The following ARHGAP39 variants were observed in gnomAD, a reference collection of about 807,000 sequenced individuals.
ARHGAP39 encodes the protein rho GTPase-activating protein 39.
ARHGAP39 carries 44 observed loss-of-function variants against 106.9 expected under a neutral mutation model. The observed-to-expected ratio is 0.41, with a 90% CI of 0.32 to 0.53. ARHGAP39 has a LOEUF of 0.53. Ranked by LOEUF, ARHGAP39 falls within the 20% of genes least tolerant of loss-of-function variation. The probability of loss-of-function intolerance (pLI) is 0.21; values close to 1 mark genes in which losing one functional copy is unlikely to be tolerated. For synonymous variants in ARHGAP39, 768 were observed against 693.2 expected, an observed-to-expected ratio of 1.11 and a Z score of -1.69; for missense variants, 1,496 against 1,577.3, an observed-to-expected ratio of 0.95 and a Z score of 0.87.
At chr8:144,658,103 ATTTC>A (rs1300155467) in intron 1 of ARHGAP39, among the ~76,000 whole-genome samples, 1 of 151,938 alleles carries the variant, frequency 6.6e-6, no homozygotes, top group Non-Finnish European at 1.5e-5. Flanking sequence ...ATCCTACAGC[ATTTC>A]TTTCTTTCTT....
chr8:144,576,493 G>A (rs1420788313), intron 3 of ARHGAP39, among the ~76,000 whole-genome samples: 2 of 152,156 alleles, frequency 1.3e-5, no homozygotes, highest in Non-Finnish European at 2.9e-5. Context: ...CTGAGCCATG[G>A]GTGACAGGGC....
chr8:144,535,773 G>A (rs1816929536), intron 7 of ARHGAP39, among the ~76,000 whole-genome samples: 1 of 152,024 alleles, frequency 6.6e-6, no homozygotes, highest in African/African-American at 2.4e-5. Context: ...GGGATACACT[G>A]GGGCCACCGC....
chr8:144,570,603 T>C (rs1448684304), intron 3 of ARHGAP39, among the ~76,000 whole-genome samples: 2 of 152,084 alleles, frequency 1.3e-5, no homozygotes, highest in Non-Finnish European at 2.9e-5. Context: ...ATATAAGAAG[T>C]GGAAATTGAC....
In ARHGAP39 at chr8:144,641,093, C is replaced by T. The variant is rs2130988053; in HGVS notation, c.-81-35398G>A. 6.6e-6 allele frequency among the ~76,000 whole-genome samples: 1 copy of T among 152,226 alleles called. No homozygotes were observed. The highest frequency in any genetic ancestry group is 1.5e-5 in the Non-Finnish European group (1 of 68,018). On this transcript the variant is annotated intron_variant, in intron 1 of 11. Coordinates refer to ENST00000377307, the MANE Select transcript of ARHGAP39 (RefSeq NM_025251.3). This position sits in a 1 kb window ranked among gnomAD's most constrained non-coding sequence, Gnocchi z 5.2. ...CATCTGCCTGGGCCCATCCCAGCAC[C>T]AGTTCTTGCAGAGGTGTTCCAGGAG...
chr8:144,545,188 A>G (rs1817356734), intron 6 of ARHGAP39, 61 bp downstream of exon 6: 7 of 1,399,830 alleles, frequency 5.0e-6, no homozygotes, highest in Non-Finnish European at 5.6e-6. Context: ...CGCCCAGCAC[A>G]GCAGGAGCCC....
intron 1 of ARHGAP39, among the ~76,000 whole-genome samples, chr8:144,664,367 G>A (rs1821907649): frequency 6.6e-6 from 1 of 152,136 alleles, no homozygotes; most frequent in South Asian, 2.1e-4. Context: ...CCAGCTTTGG[G>A]TGATGGCCAC....
chr8:144,546,459 G>A (rs1174765482), intron 5 of ARHGAP39, among the ~76,000 whole-genome samples: 1 of 152,212 alleles, frequency 6.6e-6, no homozygotes, highest in Non-Finnish European at 1.5e-5. Context: ...CCCACCCAAG[G>A]AAGCTCCCTG....
At chr8:144,574,181 A>AGACAAG (rs112840672) in intron 3 of ARHGAP39, among the ~76,000 whole-genome samples, 4 of 148,016 alleles carry the variant, frequency 2.7e-5, no homozygotes, top group African/African-American at 7.7e-5. Context: ...AAGAAGATGA[A>AGACAAG]GATGAGGAGG....
In ARHGAP39 at chr8:144,530,152, T is replaced by C; in HGVS notation, c.*270A>G. ...GACACAGAAGGCACTTTCTCGGAGC[T>C]GACCCGCGGCCAGCGGAGGGCGAGG... On this transcript the variant is annotated 3_prime_UTR_variant, in exon 12 of 12. Transcript: ENST00000377307. 2.0e-6 allele frequency: 1 copy of C among 506,134 alleles called. No homozygotes were observed. The highest frequency in any genetic ancestry group is 3.5e-6 in the Non-Finnish European group (1 of 285,388). The allele number at this position is 506,134 out of a possible 1,614,324, so 31.4% of individuals were successfully genotyped here.
In ARHGAP39 at chr8:144,548,380, C is replaced by T. The variant is rs139206529; in HGVS notation, c.706G>A (p.Gly236Ser). ...CTGCGGGAGCGGACCCCAGGTGGGC[C>T]GTCTGGGGCGTAGCCATTGCCCTGG... is the stretch of plus-strand genomic sequence containing the variant. ...AAQGNGYAPD[G>S]PPGVRSRRPS... is the part of the protein sequence containing the mutation. Residue 236 changes from glycine (G) to serine (S), a missense_variant, in exon 5 of 12, where the codon GGC becomes AGC. Transcript: ENST00000377307. The surrounding 1 kb of genome is among the most constrained non-coding windows in gnomAD (Gnocchi z 7.4). 1.5e-4 allele frequency: 244 copies of T among 1,609,276 alleles called. No individual in the cohort carries two copies. Among genetic ancestry groups the T allele is most frequent in the Non-Finnish European group, 2.0e-4 (234 of 1,178,418 alleles).
In ARHGAP39 at chr8:144,586,989, C is replaced by T. The variant is rs1819205338; in HGVS notation, c.81-5712G>A. ...AACTGAATCATGGGGGTGGCCTCCC[C>T]CATCCTGTTCTCGTGATAGTGAGTT... On this transcript the variant is annotated intron_variant, in intron 2 of 11. Coordinates refer to ENST00000377307, the MANE Select transcript of ARHGAP39 (RefSeq NM_025251.3). This position sits in a 1 kb window ranked among gnomAD's most constrained non-coding sequence, Gnocchi z 4.2. Among the ~76,000 whole-genome samples the T allele has an allele frequency of 6.6e-6, 1 of 152,162 alleles. No individual in the cohort carries two copies. Among genetic ancestry groups the T allele is most frequent in the Admixed American group, 6.5e-5 (1 of 15,274 alleles).
chr8:144,670,464 T>A lies in ARHGAP39; in HGVS notation c.-82+15222A>T, dbSNP rs1307682667. 6.6e-6 allele frequency among the ~76,000 whole-genome samples: 1 copy of A among 152,088 alleles called. No individual in the cohort carries two copies. Among genetic ancestry groups the A allele is most frequent in the Non-Finnish European group, 1.5e-5 (1 of 67,994 alleles). On this transcript the variant is annotated intron_variant, in intron 1 of 11. Coordinates refer to ENST00000377307, the MANE Select transcript of ARHGAP39 (RefSeq NM_025251.3). This position sits in a 1 kb window ranked among gnomAD's most constrained non-coding sequence, Gnocchi z 4.4. ...ACCTAAACCACAGGTGGCTCAACCA[T>A]TTCTGTATTTCCTGTCAGTCTCCTT...
At position 144,647,183 on chromosome 8, in the gene ARHGAP39, G is replaced by A. The variant is rs1465897308; in HGVS notation, c.-82+38503C>T. On this transcript the variant is annotated intron_variant, in intron 1 of 11. Coordinates refer to ENST00000377307, the MANE Select transcript of ARHGAP39 (RefSeq NM_025251.3). The surrounding 1 kb of genome is among the most constrained non-coding windows in gnomAD (Gnocchi z 4.8). ...GGGGTTTCACCATGTTAGCCAGGAT[G>A]GTCTTGATCTCTTGACCTCATGATC... Among the ~76,000 whole-genome samples the A allele has an allele frequency of 6.6e-6, 1 of 152,014 alleles. No homozygotes were observed. The highest frequency in any genetic ancestry group is 1.5e-5 in the Non-Finnish European group (1 of 67,998).
intron 1 of ARHGAP39, among the ~76,000 whole-genome samples, chr8:144,676,894 G>A (rs917466768): frequency 6.6e-6 from 1 of 152,248 alleles, no homozygotes; most frequent in African/African-American, 2.4e-5. Flanking sequence ...AGCAAGCGAG[G>A]GCTGCCAGCA....
At chr8:144,675,396 C>T (rs567941245) in intron 1 of ARHGAP39, among the ~76,000 whole-genome samples, 70 of 152,336 alleles carry the variant, frequency 4.6e-4, no homozygotes, top group African/African-American at 1.6e-3. Context: ...CGCGGACCCT[C>T]GCGGTGAGTG....
rs139700364 is a variant in ARHGAP39, at chr8:144,583,233, G to T, written c.81-1956C>A. ...CACCTTTCAGTCCCGAGGGAGCTGT[G>T]CCACTTTTGATACCACTGATCATGT... is the stretch of plus-strand genomic sequence containing the variant. On this transcript the variant is annotated intron_variant, in intron 2 of 11. Transcript: ENST00000377307. Among the ~76,000 whole-genome samples the T allele has an allele frequency of 7.6e-3, 1,165 of 152,302 alleles. 24 individuals carry two copies. The highest frequency in any genetic ancestry group is 0.043 in the Admixed American group (655 of 15,304).
At chr8:144,610,723 A>T (rs545093592) in intron 1 of ARHGAP39, among the ~76,000 whole-genome samples, 84 of 151,360 alleles carry the variant, frequency 5.5e-4, no homozygotes, top group South Asian at 3.3e-3. Context: ...AAAAAAAAAA[A>T]TTTTTTTTTA....
chr8:144,639,234 G>A lies in ARHGAP39; in HGVS notation c.-81-33539C>T, dbSNP rs534112309. Reference sequence around the variant, plus strand: ...CCCGCTACTTGGGAGGCTGAGGCAGGAGAATCACTTGAGCCCGGGAGGTGG... The same window carrying A: ...CCCGCTACTTGGGAGGCTGAGGCAGAAGAATCACTTGAGCCCGGGAGGTGG... On this transcript the variant is annotated intron_variant, in intron 1 of 11. Transcript: ENST00000377307. Among the ~76,000 whole-genome samples, 4 of 151,390 alleles carry A rather than the reference G, an allele frequency of 2.6e-5. No individual in the cohort carries two copies. In the South Asian group the frequency reaches 8.3e-4, roughly 32 times the overall value.
chr8:144,532,292 G>A lies in ARHGAP39; in HGVS notation c.2980+13C>T, dbSNP rs774095048. ...CCAGGCCCGCTCTGCTGCAGCGTGT[G>A]TGGGGGACTCACCAGGGACGTGGGG... On this transcript the variant is annotated intron_variant, in intron 10 of 11. Coordinates refer to ENST00000377307, the MANE Select transcript of ARHGAP39 (RefSeq NM_025251.3). 1 of 1,611,880 alleles carries A rather than the reference G, an allele frequency of 6.2e-7. No homozygotes were observed. Among genetic ancestry groups the A allele is most frequent in the African/African-American group, 1.3e-5 (1 of 74,976 alleles).
Sources: allele counts gnomAD v4.1 joint callset (sites outside exome capture counted in the v4.1 genomes callset), GRCh38; gene constraint gnomAD v4.1.1; non-coding constraint Gnocchi (gnomAD v3.1); transcripts MANE v1.5; gene names NCBI Gene and HGNC (gene_info 2026-07-23, HGNC 2026-07-21).